The following GPC3 variants were observed in gnomAD, a reference collection of about 807,000 sequenced individuals.
GPC3 encodes glypican-3.
In GPC3, 3 loss-of-function variants were observed where a neutral mutation model predicts 34.4. The observed-to-expected ratio is 0.09, with a 90% CI of 0.04 to 0.23. GPC3 has a LOEUF of 0.23. Ranked by LOEUF, GPC3 falls within the 10% of genes least tolerant of loss-of-function variation. The pLI is 1.00. For synonymous variants in GPC3, 177 were observed against 174.0 expected, an observed-to-expected ratio of 1.02 and a Z score of -0.13; for missense variants, 351 against 445.6, an observed-to-expected ratio of 0.79 and a Z score of 1.91.
chrX:133,576,486 C>T lies in GPC3; in HGVS notation c.1573+19954G>A, dbSNP rs1395880243. On this transcript the variant is annotated intron_variant, in intron 7 of 7. Transcript: ENST00000370818. The stretch of plus-strand genomic sequence containing the variant: ...AGCTCCTGACCTCAAGTGATCCACC[C>T]GCCTCAGCCTCCCAAAGTTCTGAAA... Among the ~76,000 whole-genome samples, 3 of 110,758 alleles carry T rather than the reference C, an allele frequency of 2.7e-5. No homozygotes were observed. In the East Asian group the frequency reaches 8.7e-4, roughly 32 times the overall value.
chrX:133,932,893 T>G (rs1039218200), intron 2 of GPC3, among the ~76,000 whole-genome samples: 1 of 111,735 alleles, frequency 8.9e-6, no homozygotes, highest in African/African-American at 3.3e-5. Context: ...TTAATTTGCC[T>G]GATTTCCTGT....
chrX:133,762,802 G>A (rs2071808382), intron 2 of GPC3: 2 of 488,377 alleles, frequency 4.1e-6, no homozygotes, highest in Admixed American at 2.6e-5. Flanking sequence ...CACAACGTCC[G>A]GAGCCCTTGA....
At chrX:133,630,905 C>T (rs1056348641) in intron 6 of GPC3, among the ~76,000 whole-genome samples, 1 of 111,270 alleles carries the variant, frequency 9.0e-6, no homozygotes, top group African/African-American at 3.3e-5. Flanking sequence ...TTTGCTAGTC[C>T]CATAATATAT....
intron 5 of GPC3, among the ~76,000 whole-genome samples, chrX:133,689,273 T>G (rs1425731741): frequency 8.9e-6 from 1 of 111,831 alleles, no homozygotes; most frequent in African/African-American, 3.2e-5. Flanking sequence ...ACAATATTTA[T>G]TTTATTATTT....
chrX:133,616,697 A>AT (rs765661060), intron 6 of GPC3, among the ~76,000 whole-genome samples: 1,303 of 95,233 alleles, frequency 0.014, 27 homozygotes, highest in African/African-American at 0.038. Flanking sequence ...ACAGAAATTG[A>AT]TTTTTTTTTT....
At chrX:133,766,489 G>A (rs781135439) in intron 2 of GPC3, among the ~76,000 whole-genome samples, 1 of 111,993 alleles carries the variant, frequency 8.9e-6, no homozygotes, top group Admixed American at 9.5e-5. Flanking sequence ...CTCTTTTATA[G>A]CTTAAGTATA....
At chrX:133,963,217 T>C (rs2076449136) in intron 1 of GPC3, among the ~76,000 whole-genome samples, 2 of 112,176 alleles carry the variant, frequency 1.8e-5, no homozygotes, top group Non-Finnish European at 3.8e-5. Flanking sequence ...TCCTTTTACA[T>C]ATATGCCCCT....
chrX:133,830,845 C>T (rs1486441425), intron 2 of GPC3, among the ~76,000 whole-genome samples: 1 of 109,137 alleles, frequency 9.2e-6, no homozygotes, highest in East Asian at 2.9e-4. Flanking sequence ...AAAACTTTTG[C>T]TCTGAGAAAG....
chrX:133,743,588 T>G (rs73564914), intron 3 of GPC3, among the ~76,000 whole-genome samples: 5,383 of 111,817 alleles, frequency 0.048, 342 homozygotes, highest in African/African-American at 0.17. Flanking sequence ...GGGGGAAATT[T>G]AATCACAGGG....
rs2076563636 is a variant in GPC3 at position 133,985,387 on chromosome X, C to A, written c.63G>T (p.Pro21=). Residue 21 remains proline (P), a synonymous_variant, in exon 1 of 8, where the codon CCG becomes CCT. Coordinates refer to ENST00000370818, the MANE Select transcript of GPC3 (RefSeq NM_004484.4). ...GCGGCGGCGGGGGCTGCGCCTGTCC[C>A]GGGAAGTCCAAGCTGAGCAGCATCG... The part of the protein sequence containing the change: ...VVAMLLSLDF[P]GQAQPPPPPP... 4.2e-6 allele frequency: 5 copies of A among 1,195,700 alleles called. No individual in the cohort carries two copies. In the South Asian group the frequency reaches 7.3e-5, roughly 17 times the overall value.
intron 5 of GPC3, among the ~76,000 whole-genome samples, chrX:133,678,316 G>C (rs2070904771): frequency 9.0e-6 from 1 of 111,532 alleles, no homozygotes; most frequent in Non-Finnish European, 1.9e-5. Flanking sequence ...ATTTGAGAGA[G>C]CAAAGGGAAG....
At chrX:133,951,903 C>A (rs1350098564) in intron 2 of GPC3, among the ~76,000 whole-genome samples, 2 of 111,192 alleles carry the variant, frequency 1.8e-5, no homozygotes, top group Non-Finnish European at 3.8e-5. Flanking sequence ...ACACACCTTA[C>A]AATTCAGAGG....
At chrX:133,647,104 C>A (rs1214892322) in intron 6 of GPC3, among the ~76,000 whole-genome samples, 1 of 112,113 alleles carries the variant, frequency 8.9e-6, no homozygotes, top group Non-Finnish European at 1.9e-5. Context: ...TACTTTCTTG[C>A]CTTCTCTCTG....
intron 2 of GPC3, among the ~76,000 whole-genome samples, chrX:133,790,742 G>C (rs73564987): frequency 7.9e-4 from 88 of 111,080 alleles, no homozygotes; most frequent in African/African-American, 2.9e-3. Context: ...ATTTTAGAAA[G>C]AAGAAAATCA....
chrX:133,911,630 A>T (rs2076200415), intron 2 of GPC3, among the ~76,000 whole-genome samples: 1 of 111,893 alleles, frequency 8.9e-6, no homozygotes, highest in South Asian at 3.8e-4. Context: ...TAGATAACCG[A>T]AATTTCCCAA....
intron 3 of GPC3, among the ~76,000 whole-genome samples, chrX:133,749,629 G>A (rs1045456294): frequency 8.9e-6 from 1 of 111,764 alleles, no homozygotes; most frequent in African/African-American, 3.3e-5. Context: ...CAAAGTCTCT[G>A]TGTGGCAGAC....
intron 7 of GPC3, among the ~76,000 whole-genome samples, chrX:133,558,782 C>T (rs2069515913): frequency 9.2e-6 from 1 of 108,630 alleles, no homozygotes; most frequent in African/African-American, 3.3e-5. Flanking sequence ...CCCAGCTACT[C>T]AGGAGGCTGA....
chrX:133,656,365 A>G (rs114725891), intron 6 of GPC3, among the ~76,000 whole-genome samples: 1,520 of 112,117 alleles, frequency 0.014, 37 homozygotes, highest in African/African-American at 0.047. Context: ...CAAGTAAAGG[A>G]AAGTGCACAG....
intron 6 of GPC3, among the ~76,000 whole-genome samples, chrX:133,627,303 TA>T (rs1470560723): frequency 9.1e-6 from 1 of 110,086 alleles, no homozygotes; most frequent in Admixed American, 9.7e-5. Flanking sequence ...CCCTAAAACT[TA>T]AAAGTATAAA....
Sources: gnomAD v4.1 joint callset for allele counts (sites outside exome capture counted in the v4.1 genomes callset) on GRCh38, gnomAD v4.1.1 for gene constraint, MANE v1.5 for transcripts, NCBI Gene and HGNC (gene_info 2026-07-23, HGNC 2026-07-21) for gene names.